Variants in LOC128092252 observed in about 807,000 individuals in gnomAD.
the LOC128092252 span, among the ~76,000 whole-genome samples, chr15:50,651,155 C>G: frequency 1.3e-5 from 2 of 152,128 alleles, no homozygotes; most frequent in South Asian, 2.1e-4. Context: ...CCACTGCACT[C>G]CAGCCTGGGT....
the LOC128092252 span, among the ~76,000 whole-genome samples, chr15:50,667,119 T>G: frequency 7.2e-5 from 11 of 152,112 alleles, no homozygotes; most frequent in Admixed American, 3.9e-4. Context: ...ACTGCAGCAT[T>G]GATTGGCCGA....
the LOC128092252 span, among the ~76,000 whole-genome samples, chr15:50,679,489 T>A: frequency 1.7e-5 from 2 of 118,842 alleles, no homozygotes; most frequent in African/African-American, 3.4e-5. Flanking sequence ...TATATATATA[T>A]TATATATATG....
chr15:50,652,489 A>G, the LOC128092252 span, among the ~76,000 whole-genome samples: 1 of 150,686 alleles, frequency 6.6e-6, no homozygotes, highest in Admixed American at 6.7e-5. Context: ...AAATAAATCA[A>G]CACTCCAGCC....
chr15:50,671,129 T>G, the LOC128092252 span, among the ~76,000 whole-genome samples: 1 of 152,338 alleles, frequency 6.6e-6, no homozygotes, highest in South Asian at 2.1e-4. Context: ...GTAGTCACCA[T>G]GTTGTACAGA....
the LOC128092252 span, among the ~76,000 whole-genome samples, chr15:50,669,881 G>C: frequency 6.6e-6 from 1 of 152,168 alleles, no homozygotes; most frequent in East Asian, 1.9e-4. Context: ...GGTTCCAACA[G>C]TTGCCAGTTC....
chr15:50,656,829 C>T, the LOC128092252 span, among the ~76,000 whole-genome samples: 1 of 152,082 alleles, frequency 6.6e-6, no homozygotes, highest in Admixed American at 6.6e-5. Flanking sequence ...ATGTAGTTAC[C>T]ATGCTCAAAT....
the LOC128092252 span, chr15:50,649,011 A>T: frequency 1.6e-6 from 1 of 620,224 alleles, no homozygotes; most frequent in Admixed American, 3.7e-5. Context: ...AAGTATAAAA[A>T]TAAGCTTTTT....
chr15:50,674,928 T>A, the LOC128092252 span, among the ~76,000 whole-genome samples: 4 of 152,216 alleles, frequency 2.6e-5, no homozygotes, highest in African/African-American at 9.6e-5. Context: ...CATTGGCAAA[T>A]CCACCCAAAA....
chr15:50,679,511 A>ATATATATGTGTATATATATTAT, the LOC128092252 span, among the ~76,000 whole-genome samples: 3 of 75,440 alleles, frequency 4.0e-5, no homozygotes, highest in African/African-American at 2.1e-4. Flanking sequence ...GTATATATAT[A>ATATATATGTGTATATATATTAT]ATATATATAT....
At chr15:50,654,217 G>A in the LOC128092252 span, among the ~76,000 whole-genome samples, 1 of 151,694 alleles carries the variant, frequency 6.6e-6, no homozygotes, top group South Asian at 2.1e-4. Flanking sequence ...AGGCCAAGGC[G>A]GGCGGATCAC....
the LOC128092252 span, among the ~76,000 whole-genome samples, chr15:50,671,634 T>G: frequency 8.4e-6 from 1 of 119,496 alleles, no homozygotes; most frequent in Non-Finnish European, 1.8e-5. Flanking sequence ...CATAATGAGA[T>G]CCTGTCGCTA....
At chr15:50,676,668 T>C in the LOC128092252 span, among the ~76,000 whole-genome samples, 1 of 152,048 alleles carries the variant, frequency 6.6e-6, no homozygotes, top group African/African-American at 2.4e-5. Context: ...GGAATGGTAT[T>C]GAGTGAGTTT....
the LOC128092252 span, chr15:50,686,653 GC>G: frequency 7.1e-7 from 1 of 1,413,668 alleles, no homozygotes; most frequent in Non-Finnish European, 9.6e-7. Flanking sequence ...GACAAGGAAC[GC>G]CCAGGGAAAC....
At chr15:50,655,207 G>A in the LOC128092252 span, among the ~76,000 whole-genome samples, 2 of 151,004 alleles carry the variant, frequency 1.3e-5, no homozygotes, top group African/African-American at 2.4e-5. Context: ...TGGCCAAGGC[G>A]GGCGAATCAC....
At chr15:50,653,714 T>C in the LOC128092252 span, among the ~76,000 whole-genome samples, 2 of 152,116 alleles carry the variant, frequency 1.3e-5, no homozygotes, top group Non-Finnish European at 1.5e-5. Context: ...CAGTTGGAAT[T>C]TGTAGCAGAG....
chr15:50,652,328 C>CAAAAAAAAAAAAAAAAAAAA, the LOC128092252 span, among the ~76,000 whole-genome samples: 4 of 34,228 alleles, frequency 1.2e-4, no homozygotes, highest in African/African-American at 2.9e-4. Flanking sequence ...GACTCCATCT[C>CAAAAAAAAAAAAAAAAAAAA]AAAAAAAAAA....
chr15:50,663,006 T>C, the LOC128092252 span: 1 of 1,613,868 alleles, frequency 6.2e-7, no homozygotes, highest in Non-Finnish European at 8.5e-7. Context: ...ATATACACAT[T>C]CCCTCTTGGT....
chr15:50,649,818 G>C, the LOC128092252 span, among the ~76,000 whole-genome samples: 1 of 152,144 alleles, frequency 6.6e-6, no homozygotes, highest in Admixed American at 6.6e-5. Flanking sequence ...GCTAGAGTTT[G>C]TGAGGTAGAA....
chr15:50,679,530 A>ATATATGTG, the LOC128092252 span, among the ~76,000 whole-genome samples: 4 of 44,846 alleles, frequency 8.9e-5, no homozygotes, highest in African/African-American at 4.2e-4. Flanking sequence ...ATATATATAT[A>ATATATGTG]TATATATATT....
Sources: allele counts gnomAD v4.1 joint callset (sites outside exome capture counted in the v4.1 genomes callset), GRCh38; gene constraint gnomAD v4.1.1; transcripts MANE v1.5.